The following FAM83B variants were observed in gnomAD, a reference collection of about 807,000 sequenced individuals.
FAM83B encodes scaffolding CK1 anchoring protein B, also known as protein FAM83B.
Under a neutral mutation model 38.8 loss-of-function variants are expected in FAM83B, and 26 were observed. The ratio of observed to expected loss-of-function variants is 0.67; its 90% confidence interval spans 0.49 to 0.93. FAM83B has a LOEUF of 0.93. Ranked by LOEUF, FAM83B falls within the 40% of genes least tolerant of loss-of-function variation. The pLI is 0.00. For synonymous variants in FAM83B, 419 were observed against 423.1 expected, an observed-to-expected ratio of 0.99 and a Z score of 0.12; for missense variants, 1,237 against 1,197.3, an observed-to-expected ratio of 1.03 and a Z score of -0.49.
At chr6:54,855,694 A>G (rs1212388997) in intron 1 of FAM83B, among the ~76,000 whole-genome samples, 2 of 152,142 alleles carry the variant, frequency 1.3e-5, no homozygotes, top group Non-Finnish European at 2.9e-5. Context: ...AATCTCTCCA[A>G]GGTCATTAGA....
intron 2 of FAM83B, among the ~76,000 whole-genome samples, chr6:54,887,498 A>G (rs763808835): frequency 1.3e-5 from 2 of 152,226 alleles, no homozygotes; most frequent in African/African-American, 4.8e-5. Flanking sequence ...TAATTCTTGT[A>G]TAGTCCTCCT....
chr6:54,882,901 T>C (rs1166954553), intron 2 of FAM83B, among the ~76,000 whole-genome samples: 5 of 152,184 alleles, frequency 3.3e-5, no homozygotes, highest in African/African-American at 7.2e-5. Flanking sequence ...TTACCAGACT[T>C]CAGTTAGTCA....
chr6:54,940,049 C>T lies in FAM83B; in HGVS notation c.1078C>T (p.Pro360Ser), dbSNP rs1270730720. The change falls in exon 5 of 5, where the codon CCT becomes TCT. Residue 360 changes from proline (P) to serine (S), a missense_variant. Coordinates refer to ENST00000306858, the MANE Select transcript of FAM83B (RefSeq NM_001010872.3). ...TAACATAAGAAGTCACGGATACAAACCTCATTTTGTTCCTAACTTTAATGG... is the reference window on the plus strand; with the variant it reads ...TAACATAAGAAGTCACGGATACAAATCTCATTTTGTTCCTAACTTTAATGG... ...KYNIRSHGYK[P>S]HFVPNFNGPN... 1 of 1,613,902 alleles carries T rather than the reference C, an allele frequency of 6.2e-7. No homozygotes were observed. Among genetic ancestry groups the T allele is most frequent in the Admixed American group, 1.7e-5 (1 of 59,962 alleles).
At position 54,926,880 on chromosome 6, in the gene FAM83B, C is replaced by T. The variant is rs199926310; in HGVS notation, c.609+345C>T. Among the ~76,000 whole-genome samples, 6 of 152,026 alleles carry T rather than the reference C, an allele frequency of 3.9e-5. No individual in the cohort carries two copies. The South Asian group carries it at 8.3e-4, about 21-fold the overall frequency. ...TCGAGTAGCTGGGATTACAGGTGCC[C>T]GCCACCATGCCCAGCTAATTTTTTT... is the stretch of plus-strand genomic sequence containing the variant. On this transcript the variant is annotated intron_variant, in intron 3 of 4. Transcript: ENST00000306858.
intron 2 of FAM83B, among the ~76,000 whole-genome samples, chr6:54,894,187 A>G (rs1036497481): frequency 6.6e-6 from 1 of 152,236 alleles, no homozygotes; most frequent in Non-Finnish European, 1.5e-5. Context: ...AATGCTGTAT[A>G]TGGGTAACCA....
chr6:54,926,009 G>A (rs1773279591), intron 2 of FAM83B, among the ~76,000 whole-genome samples: 1 of 151,918 alleles, frequency 6.6e-6, no homozygotes, highest in African/African-American at 2.4e-5. Flanking sequence ...ACTTTCCCCT[G>A]GAAATGCCTC....
At position 54,940,436 on chromosome 6, in the gene FAM83B, A is replaced by T; in HGVS notation, c.1465A>T (p.Lys489Ter). Residue 489 changes from lysine (K) to a stop codon, truncating the protein, a stop_gained, in exon 5 of 5, where the codon AAG (lysine) becomes TAG (stop). Transcript: ENST00000306858. LOFTEE classifies it low-confidence loss of function (END_TRUNC). ...AATGCCAACCCTTGAACATACCACA[A>T]AGTCATTCCTACGTAACTGGAGAAT... The part of the protein sequence containing the change: ...QRMPTLEHTT[K>*]SFLRNWRIES... 6.2e-7 allele frequency: 1 copy of T among 1,614,088 alleles called. No homozygotes were observed. Among genetic ancestry groups the T allele is most frequent in the Non-Finnish European group, 8.5e-7 (1 of 1,180,002 alleles).
At chr6:54,916,244 A>C (rs770222449) in intron 2 of FAM83B, among the ~76,000 whole-genome samples, 21 of 152,124 alleles carry the variant, frequency 1.4e-4, no homozygotes, top group Non-Finnish European at 1.8e-4. Context: ...TTCTGCCTGC[A>C]GTGCCCTTCA....
At position 54,927,637 on chromosome 6, in the gene FAM83B, G is replaced by T; in HGVS notation, c.734+5G>T. The stretch of plus-strand genomic sequence containing the variant: ...AGTGATGTACGGTTCTTACAGGTAA[G>T]ATCATTGTGTTTAACTTCAGTGTTA... On this transcript the variant is annotated splice_donor_5th_base_variant and intron_variant, in intron 4 of 4. Coordinates refer to ENST00000306858, the MANE Select transcript of FAM83B (RefSeq NM_001010872.3). 1 of 1,508,468 alleles carries T rather than the reference G, an allele frequency of 6.6e-7. No homozygotes were observed. 93.4% of individuals were successfully genotyped at this position (1,508,468 alleles called of 1,614,324 possible).
At chr6:54,922,750 TAATTAGCGTAAATA>T (rs1283314610) in intron 2 of FAM83B, among the ~76,000 whole-genome samples, 2 of 152,082 alleles carry the variant, frequency 1.3e-5, no homozygotes, top group Non-Finnish European at 2.9e-5. Flanking sequence ...TTAAACACTG[TAATTAGCGTAAATA>T]AAATTATTTC....
Position 54,870,607 on chromosome 6 carries a change from A to G in FAM83B, c.361A>G (p.Ile121Val), listed in dbSNP as rs772443881. The G allele has an allele frequency of 1.9e-6, 3 of 1,614,052 alleles. No homozygotes were observed. The highest frequency in any genetic ancestry group is 1.7e-6 in the Non-Finnish European group (2 of 1,179,980). Reference protein sequence around the residue: ...VMPGLLGGTHIDLLFHPPRAH... With the variant: ...VMPGLLGGTHVDLLFHPPRAH... ...GCCCGGACTCTTAGGGGGCACCCAT[A>G]TAGATCTCCTTTTTCATCCACCAAG... The change falls in exon 2 of 5, where the codon ATA becomes GTA. Residue 121 changes from isoleucine to valine, a missense_variant. Physicochemically the swap from Ile to Val is conservative, Grantham distance 29 (BLOSUM62 3). Transcript: ENST00000306858.
At position 54,940,414 on chromosome 6, in the gene FAM83B, G is replaced by T. The variant is rs768749527; in HGVS notation, c.1443G>T (p.Met481Ile). ...DNHIRFLQQRMPTLEHTTKSF... is the reference protein window; with the variant it reads ...DNHIRFLQQRIPTLEHTTKSF... ...ATATCCGCTTTTTGCAACAACGAATGCCAACCCTTGAACATACCACAAAGT... is the reference window on the plus strand; with the variant it reads ...ATATCCGCTTTTTGCAACAACGAATTCCAACCCTTGAACATACCACAAAGT... Residue 481 changes from methionine to isoleucine, a missense_variant, in exon 5 of 5, where the codon ATG (methionine) becomes ATT (isoleucine). Met to Ile is a conservative substitution (Grantham distance 10). Coordinates refer to ENST00000306858, the MANE Select transcript of FAM83B (RefSeq NM_001010872.3). The T allele has an allele frequency of 1.2e-6, 2 of 1,613,900 alleles. No homozygotes were observed. The highest frequency in any genetic ancestry group is 1.7e-6 in the Non-Finnish European group (2 of 1,180,014).
intron 2 of FAM83B, among the ~76,000 whole-genome samples, chr6:54,883,357 G>C (rs1321874743): frequency 1.7e-5 from 2 of 119,380 alleles, no homozygotes; most frequent in Non-Finnish European, 1.8e-5. Flanking sequence ...TTTTTGAGAT[G>C]GAGTTTCACT....
chr6:54,870,469 A>C lies in FAM83B; in HGVS notation c.223A>C (p.Thr75Pro). ...AAATGTCCAGAAAGTTGCACAAAGC[A>C]CAGCACATGGTACTGATGATTCCTG... ...LKNVQKVAQS[T>P]AHGTDDSCDD... is the part of the protein sequence containing the mutation. Residue 75 changes from threonine to proline, a missense_variant, in exon 2 of 5, where the codon ACA (threonine) becomes CCA (proline). Coordinates refer to ENST00000306858, the MANE Select transcript of FAM83B (RefSeq NM_001010872.3). The C allele has an allele frequency of 6.2e-7, 1 of 1,614,084 alleles. No homozygotes were observed. The highest frequency in any genetic ancestry group is 8.5e-7 in the Non-Finnish European group (1 of 1,179,970).
chr6:54,859,288 C>G (rs1441876349), intron 1 of FAM83B, among the ~76,000 whole-genome samples: 8 of 152,152 alleles, frequency 5.3e-5, no homozygotes, highest in Admixed American at 5.2e-4. Flanking sequence ...AGTCCAATTC[C>G]TGACCTCATG....
intron 4 of FAM83B, among the ~76,000 whole-genome samples, chr6:54,931,272 C>A (rs1303058336): frequency 6.6e-6 from 1 of 152,090 alleles, no homozygotes; most frequent in Non-Finnish European, 1.5e-5. Flanking sequence ...CTGCTTTTGT[C>A]AAGTGTTCTC....
chr6:54,853,708 A>T (rs925926655), intron 1 of FAM83B, among the ~76,000 whole-genome samples: 1 of 152,220 alleles, frequency 6.6e-6, no homozygotes, highest in African/African-American at 2.4e-5. Flanking sequence ...AAGAGATCTG[A>T]TGGAGATTAA....
chr6:54,917,440 C>T (rs1219238478), intron 2 of FAM83B, among the ~76,000 whole-genome samples: 1 of 152,102 alleles, frequency 6.6e-6, no homozygotes, highest in African/African-American at 2.4e-5. Context: ...GTTCCCTTCC[C>T]AATGTCTTCT....
At chr6:54,927,476 A>G in intron 3 of FAM83B, 32 bp from the exon 4 acceptor site, 1 of 1,511,632 alleles carries the variant, frequency 6.6e-7, no homozygotes, top group Non-Finnish European at 8.9e-7. Context: ...TCCTAGCCAT[A>G]ATGTCTGCTT....
Sources: allele counts gnomAD v4.1 joint callset (sites outside exome capture counted in the v4.1 genomes callset), GRCh38; gene constraint gnomAD v4.1.1; transcripts MANE v1.5; gene names NCBI Gene and HGNC (gene_info 2026-07-23, HGNC 2026-07-21).